Variants in SYDE1 observed in about 807,000 individuals in gnomAD.
SYDE1 encodes the protein synapse defective Rho GTPase activating protein 1.
A neutral mutation model predicts 63.3 loss-of-function variants in SYDE1; 34 were observed. The ratio of observed to expected loss-of-function variants is 0.54; its 90% CI spans 0.41 to 0.71. The LOEUF (loss-of-function observed/expected upper bound fraction) is 0.71. SYDE1 is among the 30% of genes least tolerant of loss of function. The pLI is 0.00. For synonymous variants in SYDE1, 467 were observed against 473.4 expected (o/e 0.99, Z 0.18); for missense variants, 925 against 1,042.5 (o/e 0.89, Z 1.55).
At position 15,110,705 on chromosome 19, in the gene SYDE1, C is replaced by T. The variant is rs989832104; in HGVS notation, c.1260C>T (p.Cys420=). The T allele has an allele frequency of 1.5e-5, 24 of 1,577,146 alleles. No individual in the cohort carries two copies. The highest frequency in any genetic ancestry group is 2.0e-5 in the Non-Finnish European group (23 of 1,164,184). The change falls in exon 4 of 8, where the codon TGC becomes TGT. Residue 420 remains cysteine (C), a synonymous_variant. Transcript: ENST00000342784. The surrounding 1 kb of genome is among the most constrained non-coding windows in gnomAD (Gnocchi z 6.9). The part of the protein sequence containing the change: ...PGQVPLIIQK[C]VGQIERRGLR... ...AGGTGCCCCTCATCATCCAGAAGTG[C>T]GTTGGGCAGATCGAGCGCCGAGGGC...
chr19:15,110,620 AG>A lies in SYDE1; in HGVS notation c.1176del (p.Glu392AspfsTer40), dbSNP rs2046339430. 1.3e-6 allele frequency: 2 copies of A among 1,593,258 alleles called. No homozygotes were observed. Among genetic ancestry groups the A allele is most frequent in the Non-Finnish European group, 1.7e-6 (2 of 1,171,658 alleles). On this transcript the variant is annotated frameshift_variant, in exon 4 of 8. Coordinates refer to ENST00000342784, the MANE Select transcript of SYDE1 (RefSeq NM_033025.6). LOFTEE classifies it high-confidence loss of function. This position sits in a 1 kb window ranked among gnomAD's most constrained non-coding sequence, Gnocchi z 6.9. ...CAGCAGGAAGCCCCTGCCACAGCTG[AG>A]CCCCGCGTCTTTGGGCTGCCCCTGC... is the stretch of plus-strand genomic sequence containing the variant. ...SEQQEAPATA[E>X]PRVFGLPLPL...
intron 7 of SYDE1, 35 bp from the exon 8 acceptor site, chr19:15,113,512 AGAGGTCGGCTGTC>A (rs1343450376): frequency 9.3e-6 from 14 of 1,502,392 alleles, no homozygotes; most frequent in African/African-American, 1.4e-5. Flanking sequence ...GCAGCCAATC[AGAGGTCGGCTGTC>A]GCCTCTTTCT....
Position 15,113,708 on chromosome 19 carries a change from C to T in SYDE1, c.1953C>T (p.Tyr651=), listed in dbSNP as rs949386836. The change falls in exon 8 of 8, where the codon TAC becomes TAT. Residue 651 remains tyrosine, a synonymous_variant. Transcript: ENST00000342784. ...CCGAAAGCCCCCCGAGCAACCGCTA[C>T]GCCGGCGACTGGAGCGTTTGCGGGC... ...GGPESPPSNR[Y]AGDWSVCGRD... is the part of the protein sequence containing the mutation. The T allele has an allele frequency of 2.5e-6, 4 of 1,613,508 alleles. No homozygotes were observed. Among genetic ancestry groups the T allele is most frequent in the South Asian group, 2.2e-5 (2 of 91,052 alleles).
chr19:15,112,239 A>G (rs2046349716), intron 6 of SYDE1, 107 bp from the exon 7 acceptor site: 1 of 688,674 alleles, frequency 1.5e-6, no homozygotes, highest in Non-Finnish European at 2.5e-6. Context: ...CATCCCAGCT[A>G]TGAGACTGTG....
chr19:15,114,636 C>CG lies in SYDE1; in HGVS notation c.*673_*674insG, dbSNP rs1211750256. The CG allele has an allele frequency of 2.0e-5, 3 of 148,562 alleles. No homozygotes were observed. Among genetic ancestry groups the CG allele is most frequent in the Non-Finnish European group, 4.5e-5 (3 of 66,910 alleles). The allele number at this position is 148,562 out of a possible 1,614,324, so 9.2% of individuals were successfully genotyped here. ...TCCTTGCCCCCCCCTTGCCCCCCCC[C>CG]CCGAAAAAAATTGAGCACTTAAACC... On this transcript the variant is annotated 3_prime_UTR_variant, in exon 8 of 8. Coordinates refer to ENST00000342784, the MANE Select transcript of SYDE1 (RefSeq NM_033025.6).
Position 15,111,761 on chromosome 19 carries a change from G to A in SYDE1, c.1547G>A (p.Gly516Glu). The A allele has an allele frequency of 3.1e-6, 5 of 1,601,500 alleles. No homozygotes were observed. Among genetic ancestry groups the A allele is most frequent in the Non-Finnish European group, 3.4e-6 (4 of 1,174,368 alleles). Residue 516 changes from glycine (G) to glutamate (E), a missense_variant, in exon 6 of 8, where the codon GGG (glycine) becomes GAG (glutamate). Around this residue, in one of 3 missense-constraint regions of SYDE1, gnomAD observed 71 missense variants for 132.8 expected, o/e 0.53. Transcript: ENST00000342784. This position sits in a 1 kb window ranked among gnomAD's most constrained non-coding sequence, Gnocchi z 5.5. ...RVPPTTEGTR[G>E]LLSCLPDVER... The stretch of plus-strand genomic sequence containing the variant: ...CCCCCCACCACTGAGGGCACCCGAG[G>A]GCTCCTCAGCTGCCTGCCAGATGTG...
In SYDE1 at chr19:15,110,843, T is replaced by C; in HGVS notation, c.1290+108T>C. 4 of 994,662 alleles carry C rather than the reference T, an allele frequency of 4.0e-6. No homozygotes were observed. Among genetic ancestry groups the C allele is most frequent in the Non-Finnish European group, 5.7e-6 (4 of 696,830 alleles). The allele number at this position is 994,662 out of a possible 1,614,324, so 61.6% of individuals were successfully genotyped here. On this transcript the variant is annotated intron_variant, in intron 4 of 7. Coordinates refer to ENST00000342784, the MANE Select transcript of SYDE1 (RefSeq NM_033025.6). This position sits in a 1 kb window ranked among gnomAD's most constrained non-coding sequence, Gnocchi z 6.9. Reference sequence around the variant, plus strand: ...CCTACCCCCAGGCCTGAGCCACTCCTAGCTCCAATCCCAACCTAGACAAGG... The same window carrying C: ...CCTACCCCCAGGCCTGAGCCACTCCCAGCTCCAATCCCAACCTAGACAAGG...
rs2046347903 is a variant in SYDE1, at chr19:15,111,840, CCAATAGAATGTT to C, written c.1578+49_1578+60del. 6.7e-7 allele frequency: 1 copy of C among 1,503,702 alleles called. No individual in the cohort carries two copies. The highest frequency in any genetic ancestry group is 8.9e-7 in the Non-Finnish European group (1 of 1,121,384). 93.1% of individuals were successfully genotyped at this position (1,503,702 alleles called of 1,614,324 possible). A position where few individuals can be genotyped will look rare whatever the true frequency, so the allele number is the denominator to read the frequency against. On this transcript the variant is annotated intron_variant, in intron 6 of 7. Coordinates refer to ENST00000342784, the MANE Select transcript of SYDE1 (RefSeq NM_033025.6). This position sits in a 1 kb window ranked among gnomAD's most constrained non-coding sequence, Gnocchi z 5.5. Reference sequence around the variant, plus strand: ...GATGGGACTTGAGAGTGGGCTGATACCAATAGAATGTTTCACCCATGCCTGGGCCTGAGATGG... The same window carrying C: ...GATGGGACTTGAGAGTGGGCTGATACTCACCCATGCCTGGGCCTGAGATGG...
rs1286739797 is a variant in SYDE1 at position 15,109,709 on chromosome 19, GC to G, written c.441del (p.Ala148ProfsTer21). The G allele has an allele frequency of 2.7e-6, 4 of 1,500,312 alleles. No homozygotes were observed. Among genetic ancestry groups the G allele is most frequent in the Non-Finnish European group, 2.7e-6 (3 of 1,122,662 alleles). 92.9% of individuals were successfully genotyped at this position (1,500,312 alleles called of 1,614,324 possible). A position where few individuals can be genotyped will look rare whatever the true frequency, so the allele number is the denominator to read the frequency against. ...ESEGLAPQGAAPASPPTKASR... is the reference protein window; with the variant it reads ...ESEGLAPQGAXPASPPTKASR... ...GAAGTCTGCTCTCCACACAGGTGCAGCCCCCGCCAGCCCCCCAACCAAAGCC... is the reference window on the plus strand; with the variant it reads ...GAAGTCTGCTCTCCACACAGGTGCAGCCCCGCCAGCCCCCCAACCAAAGCC... On this transcript the variant is annotated frameshift_variant, in exon 3 of 8. Transcript: ENST00000342784. LOFTEE classifies it high-confidence loss of function. The surrounding 1 kb of genome is among the most constrained non-coding windows in gnomAD (Gnocchi z 5.0).
Position 15,109,732 on chromosome 19 carries a change from A to C in SYDE1, c.459A>C (p.Lys153Asn), listed in dbSNP as rs914966603. 9.2e-6 allele frequency: 14 copies of C among 1,523,496 alleles called. No homozygotes were observed. Among genetic ancestry groups the C allele is most frequent in the Non-Finnish European group, 1.2e-5 (14 of 1,135,090 alleles). 94.4% of individuals were successfully genotyped at this position (1,523,496 alleles called of 1,614,324 possible). Residue 153 changes from lysine (K) to asparagine (N), a missense_variant, in exon 3 of 8, where the codon AAA becomes AAC. Lys to Asn is a moderately conservative substitution (Grantham distance 94). This residue lies in a region of SYDE1 where 599 missense variants were observed against 653.7 expected (regional missense o/e 0.92). Coordinates refer to ENST00000342784, the MANE Select transcript of SYDE1 (RefSeq NM_033025.6). This position sits in a 1 kb window ranked among gnomAD's most constrained non-coding sequence, Gnocchi z 5.0. Reference protein sequence around the residue: ...QGAAPASPPTKASRTKSPGPA... With the variant: ...QGAAPASPPTNASRTKSPGPA... ...CAGCCCCCGCCAGCCCCCCAACCAA[A>C]GCCTCCCGCACCAAGTCCCCGGGCC... is the stretch of plus-strand genomic sequence containing the variant.
rs2046322249 is a variant in SYDE1 at position 15,108,810 on chromosome 19, G to A, written c.89-246G>A. The stretch of plus-strand genomic sequence containing the variant: ...CCCAGGAAGCCTGACTTAGAACCCT[G>A]AGGCTGCAGGGATGGAGTCCCCTTT... On this transcript the variant is annotated intron_variant, in intron 1 of 7. Transcript: ENST00000342784. The surrounding 1 kb of genome is among the most constrained non-coding windows in gnomAD (Gnocchi z 4.3). 2.2e-6 allele frequency: 1 copy of A among 463,674 alleles called. No individual in the cohort carries two copies. Among genetic ancestry groups the A allele is most frequent in the Non-Finnish European group, 3.6e-6 (1 of 278,106 alleles). The allele number at this position is 463,674 out of a possible 1,614,324, so 28.7% of individuals were successfully genotyped here.
rs1434373646 is a variant in SYDE1, at chr19:15,109,343, G to A, written c.376G>A (p.Glu126Lys). The A allele has an allele frequency of 3.1e-6, 5 of 1,599,712 alleles. No individual in the cohort carries two copies. Among genetic ancestry groups the A allele is most frequent in the Admixed American group, 3.4e-5 (2 of 58,162 alleles). ...GGAAGACCCCAGACCTCCAGCACCTGAGCCCCCGGGGCCACAGCCTGGCTC... is the reference window on the plus strand; with the variant it reads ...GGAAGACCCCAGACCTCCAGCACCTAAGCCCCCGGGGCCACAGCCTGGCTC... ...PEEDPRPPAP[E>K]PPGPQPGSAE... Residue 126 changes from glutamate to lysine, a missense_variant, in exon 2 of 8, where the codon GAG (glutamate) becomes AAG (lysine). By Grantham distance (56) the Glu-to-Lys change is moderately conservative. Coordinates refer to ENST00000342784, the MANE Select transcript of SYDE1 (RefSeq NM_033025.6). This position sits in a 1 kb window ranked among gnomAD's most constrained non-coding sequence, Gnocchi z 5.0.
chr19:15,113,834 G>C lies in SYDE1; in HGVS notation c.2079G>C (p.Pro693=). The change falls in exon 8 of 8, where the codon CCG becomes CCC. Residue 693 remains proline (P), a synonymous_variant. Transcript: ENST00000342784. Reference sequence around the variant, plus strand: ...ACGAGGACGAGGAGGTCGGCGAGCCGAGGGTCACCGGTGACTTCGAAGACG... The same window carrying C: ...ACGAGGACGAGGAGGTCGGCGAGCCCAGGGTCACCGGTGACTTCGAAGACG... ...SEDEDEEVGE[P]RVTGDFEDDF... is the part of the protein sequence containing the mutation. 6.2e-7 allele frequency: 1 copy of C among 1,614,170 alleles called. No homozygotes were observed.
At position 15,111,310 on chromosome 19, in the gene SYDE1, C is replaced by T. The variant is rs1229856228; in HGVS notation, c.1291-3C>T. On this transcript the variant is annotated splice_polypyrimidine_tract_variant and splice_region_variant and intron_variant, in intron 4 of 7. Coordinates refer to ENST00000342784, the MANE Select transcript of SYDE1 (RefSeq NM_033025.6). This position sits in a 1 kb window ranked among gnomAD's most constrained non-coding sequence, Gnocchi z 5.5. ...GACATTCACTCTCTCTTCCCACCCC[C>T]AGGTAGTGGGACTGTACCGTCTTTG... is the stretch of plus-strand genomic sequence containing the variant. 5 of 1,613,978 alleles carry T rather than the reference C, an allele frequency of 3.1e-6. No homozygotes were observed. Among genetic ancestry groups the T allele is most frequent in the Non-Finnish European group, 4.2e-6 (5 of 1,179,980 alleles).
chr19:15,111,463 G>T lies in SYDE1; in HGVS notation c.1417+24G>T. 6.2e-7 allele frequency: 1 copy of T among 1,612,320 alleles called. No homozygotes were observed. Among genetic ancestry groups the T allele is most frequent in the Non-Finnish European group, 8.5e-7 (1 of 1,178,822 alleles). On this transcript the variant is annotated intron_variant, in intron 5 of 7. Coordinates refer to ENST00000342784, the MANE Select transcript of SYDE1 (RefSeq NM_033025.6). The surrounding 1 kb of genome is among the most constrained non-coding windows in gnomAD (Gnocchi z 5.5). Reference sequence around the variant, plus strand: ...TGGTCAGCATGGCCCCCTCTCCCCTGCCTGCTCACCCCCATTCAATGCCTC... The same window carrying T: ...TGGTCAGCATGGCCCCCTCTCCCCTTCCTGCTCACCCCCATTCAATGCCTC...
rs1401578911 is a variant in SYDE1 at position 15,109,503 on chromosome 19, A to C, written c.430+106A>C. On this transcript the variant is annotated intron_variant, in intron 2 of 7. Transcript: ENST00000342784. This position sits in a 1 kb window ranked among gnomAD's most constrained non-coding sequence, Gnocchi z 5.0. ...CACTCCCTCCTCCCAGAGGAGCACC[A>C]ACCTCACACTCCTTCCCTTCAGGGG... 9.2e-6 allele frequency: 12 copies of C among 1,298,972 alleles called. No individual in the cohort carries two copies. In the East Asian group the frequency reaches 3.1e-4, roughly 33 times the overall value. 80.5% of individuals were successfully genotyped at this position (1,298,972 alleles called of 1,614,324 possible).
rs139561208 is a variant in SYDE1, at chr19:15,113,671, G to A, written c.1916G>A (p.Gly639Asp). ...CCCGAAGTGGTGACTCGGCCCCGCG[G>A]TCGAGGAGGCCCCGAAAGCCCCCCG... Reference protein sequence around the residue: ...ADPEVVTRPRGRGGPESPPSN... With the variant: ...ADPEVVTRPRDRGGPESPPSN... The change falls in exon 8 of 8, where the codon GGT becomes GAT. Residue 639 changes from glycine (G) to aspartate (D), a missense_variant. Coordinates refer to ENST00000342784, the MANE Select transcript of SYDE1 (RefSeq NM_033025.6). 3.7e-6 allele frequency: 6 copies of A among 1,613,274 alleles called. No individual in the cohort carries two copies. In the South Asian group the frequency reaches 6.6e-5, roughly 18 times the overall value.
Position 15,113,611 on chromosome 19 carries a change from A to G in SYDE1, c.1856A>G (p.Lys619Arg). The change falls in exon 8 of 8, where the codon AAA becomes AGA. Residue 619 changes from lysine (K) to arginine (R), a missense_variant. Coordinates refer to ENST00000342784, the MANE Select transcript of SYDE1 (RefSeq NM_033025.6). Reference protein sequence around the residue: ...SPDVAPYLRPKRQPPLHLPLA... With the variant: ...SPDVAPYLRPRRQPPLHLPLA... ...GATGTCGCGCCTTACTTGCGACCCA[A>G]ACGACAGCCACCTCTGCACCTGCCG... 1 of 1,598,614 alleles carries G rather than the reference A, an allele frequency of 6.3e-7. No individual in the cohort carries two copies. Among genetic ancestry groups the G allele is most frequent in the Non-Finnish European group, 8.5e-7 (1 of 1,171,500 alleles).
rs1599323872 is a variant in SYDE1 at position 15,110,848 on chromosome 19, C to T, written c.1290+113C>T. ...CCCCAGGCCTGAGCCACTCCTAGCT[C>T]CAATCCCAACCTAGACAAGGGCAGA... On this transcript the variant is annotated intron_variant, in intron 4 of 7. Transcript: ENST00000342784. This position sits in a 1 kb window ranked among gnomAD's most constrained non-coding sequence, Gnocchi z 6.9. 3.2e-6 allele frequency: 3 copies of T among 924,014 alleles called. No homozygotes were observed. Among genetic ancestry groups the T allele is most frequent in the East Asian group, 5.3e-5 (2 of 37,460 alleles). The allele number at this position is 924,014 out of a possible 1,614,324, so 57.2% of individuals were successfully genotyped here. A position where few individuals can be genotyped will look rare whatever the true frequency, so the allele number is the denominator to read the frequency against.
Sources: allele counts gnomAD v4.1 joint callset, GRCh38; gene constraint gnomAD v4.1.1; regional missense constraint gnomAD v4.1.1; non-coding constraint Gnocchi (gnomAD v3.1); transcripts MANE v1.5; gene names NCBI Gene and HGNC (gene_info 2026-07-23, HGNC 2026-07-21).